TYW1: variants seen among roughly 807,000 people sequenced by gnomAD.
TYW1 encodes the protein tRNA-yW synthesizing protein 1 homolog.
In TYW1, 46 loss-of-function variants were observed where a neutral mutation model predicts 96.2. The ratio of observed to expected loss-of-function variants is 0.48; its 90% CI spans 0.38 to 0.61. The LOEUF is 0.61. Among genes scored for constraint, TYW1 ranks in the 20% least tolerant of loss-of-function variants. The probability of loss-of-function intolerance (pLI) is 0.00; values close to 1 mark genes in which losing one functional copy is unlikely to be tolerated. For synonymous variants in TYW1, 274 were observed against 323.0 expected (o/e 0.85, Z 1.63); for missense variants, 684 against 909.6 (o/e 0.75, Z 3.19).
chr7:67,231,491 A>G (rs1801746843), intron 15 of TYW1, among the ~76,000 whole-genome samples: 1 of 152,214 alleles, frequency 6.6e-6, no homozygotes. Context: ...GGCATGTAAA[A>G]AGTACAACTT....
intron 6 of TYW1, among the ~76,000 whole-genome samples, chr7:67,020,224 AAAATT>A (rs1239635579): frequency 3.3e-5 from 5 of 152,276 alleles, no homozygotes; most frequent in Non-Finnish European, 7.3e-5. Flanking sequence ...CACAAAAACA[AAAATT>A]AAAAGTAGAC....
chr7:67,172,656 C>T (rs1209283608), intron 13 of TYW1, among the ~76,000 whole-genome samples: 2 of 152,194 alleles, frequency 1.3e-5, no homozygotes, highest in African/African-American at 2.4e-5. Flanking sequence ...CTCCTGACCT[C>T]AGGGGATCTG....
Position 67,053,380 on chromosome 7 carries a change from C to CTT in TYW1, c.1103-2440_1103-2439dup, listed in dbSNP as rs35828058. Reference sequence around the variant, plus strand: ...TCTTTTCATTTGGGATAGTTTGTTTCTTTTTTTTTTTTTTTTGAGATGGAG... The same window carrying CTT: ...TCTTTTCATTTGGGATAGTTTGTTTCTTTTTTTTTTTTTTTTTTGAGATGGAG... On this transcript the variant is annotated intron_variant, in intron 8 of 15. Coordinates refer to ENST00000359626, the MANE Select transcript of TYW1 (RefSeq NM_018264.4). 5.7e-4 allele frequency among the ~76,000 whole-genome samples: 76 copies of CTT among 134,344 alleles called. 1 individual carries two copies. Among genetic ancestry groups the CTT allele is most frequent in the South Asian group, 2.7e-3 (11 of 4,096 alleles). The allele number at this position is 134,344 out of a possible 152,430, so 88.1% of individuals were successfully genotyped here.
intron 15 of TYW1, among the ~76,000 whole-genome samples, chr7:67,235,893 C>CAAAAAAAAAAAAAAA (rs548873963): frequency 1.4e-5 from 1 of 69,568 alleles, no homozygotes; most frequent in African/African-American, 5.7e-5. Flanking sequence ...GACTCTGTCT[C>CAAAAAAAAAAAAAAA]AAAAAAAAAA....
At chr7:67,185,557 G>T (rs1310551991) in intron 14 of TYW1, among the ~76,000 whole-genome samples, 8 of 152,230 alleles carry the variant, frequency 5.3e-5, no homozygotes. Context: ...TTAAGCCATT[G>T]CGTGGATGGT....
At chr7:67,172,184 A>G (rs909273259) in intron 13 of TYW1, among the ~76,000 whole-genome samples, 21 of 151,696 alleles carry the variant, frequency 1.4e-4, no homozygotes, top group Admixed American at 1.2e-3. Context: ...GAATTTTATT[A>G]TAAGTTTTCC....
intron 15 of TYW1, among the ~76,000 whole-genome samples, chr7:67,208,877 G>T (rs979587955): frequency 8.0e-4 from 121 of 152,130 alleles, no homozygotes; most frequent in Middle Eastern, 3.4e-3. Flanking sequence ...TGTGGTCGTT[G>T]GCAGTGCAGT....
intron 13 of TYW1, among the ~76,000 whole-genome samples, chr7:67,135,386 C>A (rs1157379237): frequency 3.4e-5 from 5 of 145,814 alleles, no homozygotes; most frequent in African/African-American, 1.3e-4. Context: ...CATGCTGCAA[C>A]CTCCGCCTCC....
chr7:67,143,040 G>T (rs1249795065), intron 13 of TYW1, among the ~76,000 whole-genome samples: 1 of 142,896 alleles, frequency 7.0e-6, no homozygotes, highest in African/African-American at 2.7e-5. Context: ...AACAACAGGA[G>T]CAAAACTCCA....
At chr7:67,103,631 A>G (rs1252563328) in intron 12 of TYW1, among the ~76,000 whole-genome samples, 2 of 152,236 alleles carry the variant, frequency 1.3e-5, no homozygotes, top group African/African-American at 4.8e-5. Flanking sequence ...AAGAGGAGAT[A>G]ATCTTACTTA....
chr7:67,229,620 C>T (rs954916338), intron 15 of TYW1, among the ~76,000 whole-genome samples: 18 of 151,094 alleles, frequency 1.2e-4, no homozygotes, highest in Admixed American at 4.0e-4. Flanking sequence ...AGGGATATTG[C>T]ACACAAATAA....
At chr7:67,237,965 A>G (rs7807991) in intron 15 of TYW1, among the ~76,000 whole-genome samples, 40,033 of 151,004 alleles carry the variant, frequency 0.27, 5,690 homozygotes, top group African/African-American at 0.36. Context: ...GATCAAAAGC[A>G]GCAACAGCAG....
At chr7:67,211,084 C>T in intron 15 of TYW1, among the ~76,000 whole-genome samples, 2 of 150,558 alleles carry the variant, frequency 1.3e-5, no homozygotes, top group Non-Finnish European at 3.0e-5. Flanking sequence ...TCAAATTGTC[C>T]CAGCTTTGGC....
chr7:67,205,218 C>T lies in TYW1; in HGVS notation c.1977+9881C>T, dbSNP rs557140659. Among the ~76,000 whole-genome samples the T allele has an allele frequency of 5.3e-5, 8 of 152,180 alleles. No homozygotes were observed. In the East Asian group the frequency reaches 1.5e-3, roughly 29 times the overall value. The stretch of plus-strand genomic sequence containing the variant: ...CCAGGGAGAGGTAAAAGTCCATTTC[C>T]CCCCTCAGCTTCTATTGACCTATTG... On this transcript the variant is annotated intron_variant, in intron 15 of 15. Coordinates refer to ENST00000359626, the MANE Select transcript of TYW1 (RefSeq NM_018264.4).
At chr7:67,114,371 G>A (rs1797523468) in intron 12 of TYW1, 1 of 153,598 alleles carries the variant, frequency 6.5e-6, no homozygotes, top group South Asian at 2.0e-4. Flanking sequence ...TTGGAAGGTA[G>A]AAAGAGGCCT....
chr7:67,111,149 G>T (rs1797393846), intron 12 of TYW1, among the ~76,000 whole-genome samples: 1 of 151,998 alleles, frequency 6.6e-6, no homozygotes, highest in South Asian at 2.1e-4. Flanking sequence ...ACTAGACAAA[G>T]ATTTGACATT....
At chr7:67,209,293 G>A (rs187224757) in intron 15 of TYW1, among the ~76,000 whole-genome samples, 2 of 152,310 alleles carry the variant, frequency 1.3e-5, no homozygotes, top group East Asian at 3.9e-4. Flanking sequence ...CTTTGGAGGG[G>A]GTGGCTGGGA....
rs13239500 is a variant in TYW1 at position 67,157,411 on chromosome 7, G to A, written c.1699-25715G>A. On this transcript the variant is annotated intron_variant, in intron 13 of 15. Coordinates refer to ENST00000359626, the MANE Select transcript of TYW1 (RefSeq NM_018264.4). ...AGCAATTCTCCTGCCTCAGCCTCCC[G>A]AGTAGCTGGGATTGCAGGTGTCAAC... 6.8e-3 allele frequency among the ~76,000 whole-genome samples: 1,040 copies of A among 152,128 alleles called. 17 individuals are homozygous for A. The highest frequency in any genetic ancestry group is 0.023 in the African/African-American group (948 of 41,502).
chr7:67,158,911 G>A (rs1252428159), intron 13 of TYW1, among the ~76,000 whole-genome samples: 1 of 152,074 alleles, frequency 6.6e-6, no homozygotes, highest in African/African-American at 2.4e-5. Flanking sequence ...TCTTCTCTCC[G>A]TTTTTCTTGA....
Sources: gnomAD v4.1 joint callset for allele counts (sites outside exome capture counted in the v4.1 genomes callset) on GRCh38, gnomAD v4.1.1 for gene constraint, MANE v1.5 for transcripts, NCBI Gene and HGNC (gene_info 2026-07-23, HGNC 2026-07-21) for gene names.